The following SRSF11 variants were observed in gnomAD, a reference collection of about 807,000 sequenced individuals.
The protein encoded by SRSF11 is serine/arginine-rich splicing factor 11.
In SRSF11, 9 loss-of-function variants were observed where a neutral mutation model predicts 56.0. The observed-to-expected ratio is 0.16, with a 90% CI of 0.10 to 0.28. The LOEUF (loss-of-function observed/expected upper bound fraction) is 0.28, where lower values mean the gene tolerates loss of function less well. Ranked by LOEUF, SRSF11 falls within the 10% of genes least tolerant of loss-of-function variation. SRSF11 has a pLI of 1.00. For synonymous variants in SRSF11, 222 were observed against 215.3 expected (o/e 1.03, Z -0.27); for missense variants, 421 against 600.7 (o/e 0.70, Z 3.13).
chr1:70,248,164 T>C (rs1247100232), intron 9 of SRSF11, among the ~76,000 whole-genome samples: 3 of 152,120 alleles, frequency 2.0e-5, no homozygotes, highest in African/African-American at 7.2e-5. Flanking sequence ...GACCCACCAG[T>C]TGTACCCCTG....
upstream of SRSF11, among the ~76,000 whole-genome samples, chr1:70,217,384 C>T (rs1309867837): frequency 3.3e-5 from 5 of 152,096 alleles, no homozygotes; most frequent in African/African-American, 9.7e-5. Flanking sequence ...TCTCAACTCC[C>T]GACCTCAGGT....
Position 70,237,470 on chromosome 1 carries a change from G to A in SRSF11, c.636G>A (p.Ser212=), listed in dbSNP as rs369526035. ...GTCTCGTTTCACCAAGTCTGAAATC[G>A]GATACCTCTAGTAAAGAAATAGAGG... ...AAGLVSPSLK[S]DTSSKEIEEA... Residue 212 remains serine (S), a synonymous_variant, in exon 6 of 12, where the codon TCG becomes TCA. Transcript: ENST00000370949. 36 of 1,613,626 alleles carry A rather than the reference G, an allele frequency of 2.2e-5. No homozygotes were observed. The Admixed American group carries it at 2.7e-4, about 12-fold the overall frequency.
chr1:70,236,913 G>A (rs936400840), intron 5 of SRSF11, among the ~76,000 whole-genome samples: 15 of 136,082 alleles, frequency 1.1e-4, no homozygotes, highest in African/African-American at 2.7e-4. Context: ...TCAGCCTCCC[G>A]AATAGCTGGG....
chr1:70,215,707 G>T (rs1484494936), intron 1 of SRSF11, among the ~76,000 whole-genome samples: 1 of 152,224 alleles, frequency 6.6e-6, no homozygotes, highest in African/African-American at 2.4e-5. Context: ...AACAAAAGTG[G>T]CTAAAAGGGA....
intron 5 of SRSF11, among the ~76,000 whole-genome samples, chr1:70,235,785 TG>T (rs1673849780): frequency 6.6e-6 from 1 of 152,214 alleles, no homozygotes; most frequent in Non-Finnish European, 1.5e-5. Context: ...TATACCTGGA[TG>T]ATAGCAAAAG....
intron 1 of SRSF11, among the ~76,000 whole-genome samples, chr1:70,212,340 T>A (rs552671155): frequency 6.6e-6 from 1 of 152,248 alleles, no homozygotes; most frequent in Non-Finnish European, 1.5e-5. Context: ...CACTGCAACC[T>A]CCACCTCCTG....
chr1:70,243,616 C>CT (rs1676053399), intron 7 of SRSF11, among the ~76,000 whole-genome samples: 1 of 152,174 alleles, frequency 6.6e-6, no homozygotes, highest in South Asian at 2.1e-4. Flanking sequence ...TGTCCATACT[C>CT]TTTCTTGTAC....
intron 1 of SRSF11, among the ~76,000 whole-genome samples, chr1:70,226,926 C>G (rs1671909206): frequency 6.6e-6 from 1 of 152,204 alleles, no homozygotes; most frequent in South Asian, 2.1e-4. Context: ...CATCTAAAAA[C>G]CACTGTATTC....
At chr1:70,221,262 C>G (rs896878683), upstream of SRSF11, 7 of 246,278 alleles carry the variant, frequency 2.8e-5, no homozygotes, top group Admixed American at 3.4e-4. Flanking sequence ...ACACCTTTCT[C>G]TAGACCCCGG....
At chr1:70,242,713 C>T (rs2100925143) in intron 7 of SRSF11, among the ~76,000 whole-genome samples, 1 of 152,264 alleles carries the variant, frequency 6.6e-6, no homozygotes, top group Non-Finnish European at 1.5e-5. Flanking sequence ...GTTAAAAGCT[C>T]ATATGAACTA....
At chr1:70,247,488 G>C (rs563320565) in intron 9 of SRSF11, among the ~76,000 whole-genome samples, 6 of 152,128 alleles carry the variant, frequency 3.9e-5, no homozygotes, top group African/African-American at 1.2e-4. Context: ...TTTTGCTGCA[G>C]TGCTTGTTTT....
chr1:70,210,163 C>T (rs933443672), intron 1 of SRSF11, among the ~76,000 whole-genome samples: 6 of 150,600 alleles, frequency 4.0e-5, no homozygotes, highest in Admixed American at 1.3e-4. Flanking sequence ...TCCCGCCCCC[C>T]TTTTTTTTTC....
chr1:70,229,751 C>G, intron 2 of SRSF11: 1 of 984,260 alleles, frequency 1.0e-6, no homozygotes, highest in Non-Finnish European at 1.2e-6. Flanking sequence ...TGTGAAATGT[C>G]TAGTCCTTAA....
In SRSF11 at chr1:70,252,595, C is replaced by T. The variant is rs1414036103; in HGVS notation, c.*1790C>T. The T allele has an allele frequency of 2.8e-5, 4 of 143,918 alleles. No individual in the cohort carries two copies. Among genetic ancestry groups the T allele is most frequent in the Non-Finnish European group, 6.1e-5 (4 of 65,270 alleles). 8.9% of individuals were successfully genotyped at this position (143,918 alleles called of 1,614,324 possible). On this transcript the variant is annotated 3_prime_UTR_variant, in exon 12 of 12. Coordinates refer to ENST00000370949, the MANE Select transcript of SRSF11 (RefSeq NM_001350605.2). ...TAAAGATTTTATCAAAAAGAATTGT[C>T]TATAGTGAGTAAAAGAAGTTCTAAT...
intron 9 of SRSF11, 119 bp downstream of exon 9, chr1:70,247,026 T>TA (rs1490228269): frequency 8.8e-5 from 99 of 1,121,728 alleles, no homozygotes; most frequent in Non-Finnish European, 1.1e-4. Context: ...TGAAAAAAGT[T>TA]ACATTTTGCT....
intron 1 of SRSF11, among the ~76,000 whole-genome samples, chr1:70,213,201 G>T (rs967096427): frequency 6.6e-6 from 1 of 152,206 alleles, no homozygotes; most frequent in African/African-American, 2.4e-5. Flanking sequence ...AACTTCAAAT[G>T]GCATCATTAT....
chr1:70,237,458 A>C lies in SRSF11; in HGVS notation c.624A>C (p.Pro208=). The C allele has an allele frequency of 6.2e-7, 1 of 1,613,888 alleles. No homozygotes were observed. The highest frequency in any genetic ancestry group is 1.1e-5 in the South Asian group (1 of 91,028). The change falls in exon 6 of 12, where the codon CCA becomes CCC. Residue 208 remains proline, a synonymous_variant. Coordinates refer to ENST00000370949, the MANE Select transcript of SRSF11 (RefSeq NM_001350605.2). ...ATGTAGCTGCTGGTCTCGTTTCACCAAGTCTGAAATCGGATACCTCTAGTA... is the reference window on the plus strand; with the variant it reads ...ATGTAGCTGCTGGTCTCGTTTCACCCAGTCTGAAATCGGATACCTCTAGTA... The part of the protein sequence containing the change: ...LNHVAAGLVS[P]SLKSDTSSKE...
chr1:70,243,285 A>T (rs536176232), intron 7 of SRSF11, among the ~76,000 whole-genome samples: 2 of 141,484 alleles, frequency 1.4e-5, no homozygotes, highest in Non-Finnish European at 3.0e-5. Flanking sequence ...CTGACTATAC[A>T]TGGGTTCCTC....
intron 2 of SRSF11, chr1:70,229,392 T>C (rs1672448514): frequency 9.2e-7 from 1 of 1,085,010 alleles, no homozygotes; most frequent in Non-Finnish European, 1.1e-6. Context: ...TTAAAGTAAT[T>C]TGACAGAAAA....
Sources: gnomAD v4.1 joint callset for allele counts (sites outside exome capture counted in the v4.1 genomes callset) on GRCh38, gnomAD v4.1.1 for gene constraint, MANE v1.5 for transcripts, NCBI Gene and HGNC (gene_info 2026-07-23, HGNC 2026-07-21) for gene names.